NMU: variants seen among roughly 807,000 people sequenced by gnomAD.
NMU encodes neuromedin-U.
A neutral mutation model predicts 35.4 loss-of-function variants in NMU; 29 were observed. The observed-to-expected ratio is 0.82, with a 90% CI of 0.61 to 1.12. The LOEUF (loss-of-function observed/expected upper bound fraction) is 1.12. NMU is among the 50% of genes most tolerant of loss of function. The pLI, the probability that NMU is intolerant of heterozygous loss-of-function variation, is 0.00. For missense variants in NMU, 199 were observed against 206.2 expected (o/e 0.97, Z 0.21); for synonymous variants, 78 against 81.3 (o/e 0.96, Z 0.22).
At chr4:55,605,223 A>G (rs1733629522) in intron 7 of NMU, 52 bp downstream of exon 7, 8 of 1,211,644 alleles carry the variant, frequency 6.6e-6, no homozygotes, top group Admixed American at 3.4e-5. Flanking sequence ...ATTAACAGAA[A>G]GGGCTGCCCC....
chr4:55,607,883 A>T (rs1030264295), intron 4 of NMU, among the ~76,000 whole-genome samples: 1 of 152,192 alleles, frequency 6.6e-6, no homozygotes, highest in Non-Finnish European at 1.5e-5. Context: ...CCATAAAAAA[A>T]TTTTTAGCCG....
intron 3 of NMU, among the ~76,000 whole-genome samples, chr4:55,613,670 C>A (rs1008829562): frequency 6.6e-6 from 1 of 152,086 alleles, no homozygotes. Context: ...GTGTGGCCCC[C>A]CACATTGACT....
chr4:55,604,308 C>T (rs577140814), intron 7 of NMU, among the ~76,000 whole-genome samples: 204 of 151,824 alleles, frequency 1.3e-3, no homozygotes, highest in South Asian at 2.9e-3. Flanking sequence ...TCAAATGATC[C>T]ACCCACCTCA....
At chr4:55,632,433 G>T (rs1451069053) in intron 1 of NMU, among the ~76,000 whole-genome samples, 1 of 152,108 alleles carries the variant, frequency 6.6e-6, no homozygotes, top group Non-Finnish European at 1.5e-5. Flanking sequence ...AACTTATAAA[G>T]GTCATGCAGT....
intron 1 of NMU, among the ~76,000 whole-genome samples, chr4:55,632,168 G>T (rs1477995040): frequency 6.6e-6 from 1 of 152,174 alleles, no homozygotes; most frequent in African/African-American, 2.4e-5. Context: ...GAGGCTAGGA[G>T]GGGGTTGGGG....
At chr4:55,609,015 C>G (rs1733818793) in intron 4 of NMU, 105 bp downstream of exon 4, 1 of 914,448 alleles carries the variant, frequency 1.1e-6, no homozygotes, top group Non-Finnish European at 1.8e-6. Context: ...CTCTTCTAAC[C>G]TGTCTTGGCA....
At chr4:55,601,780 A>G (rs983522870) in intron 7 of NMU, among the ~76,000 whole-genome samples, 2 of 152,034 alleles carry the variant, frequency 1.3e-5, no homozygotes, top group Non-Finnish European at 2.9e-5. Flanking sequence ...TGAGCCCAGG[A>G]GTTTGAGACC....
intron 1 of NMU, among the ~76,000 whole-genome samples, chr4:55,635,587 A>G (rs974561500): frequency 1.3e-5 from 2 of 152,222 alleles, no homozygotes; most frequent in East Asian, 1.9e-4. Context: ...TTATCTCAGC[A>G]TAACACTAGC....
At position 55,607,338 on chromosome 4, in the gene NMU, T is replaced by A. The variant is rs945381857; in HGVS notation, c.320A>T (p.His107Leu). 6.2e-7 allele frequency: 1 copy of A among 1,606,990 alleles called. No individual in the cohort carries two copies. ...EKDNTKRFLF[H>L]YSKTQKLGKS... Reference sequence around the variant, plus strand: ...GCCCAACTTCTGTGTCTTCGAATAATGAAATAAGAACTGTTTAAAAAAAGC... The same window carrying A: ...GCCCAACTTCTGTGTCTTCGAATAAAGAAATAAGAACTGTTTAAAAAAAGC... The change falls in exon 6 of 10, where the codon CAT becomes CTT. Residue 107 changes from histidine to leucine, a missense_variant. By Grantham distance (99) the His-to-Leu change is moderately conservative. Coordinates refer to ENST00000264218, the MANE Select transcript of NMU (RefSeq NM_006681.4).
In NMU at chr4:55,600,516, A is replaced by G; in HGVS notation, c.489+6T>C. 6.3e-7 allele frequency: 1 copy of G among 1,588,952 alleles called. No individual in the cohort carries two copies. The highest frequency in any genetic ancestry group is 8.6e-7 in the Non-Finnish European group (1 of 1,157,596). On this transcript the variant is annotated splice_donor_region_variant and intron_variant, in intron 8 of 9. Transcript: ENST00000264218. ...TTGATTTTTTAAAAATACAGTATGT[A>G]CCTACCCTGAATAAAAAATATCCTC...
intron 3 of NMU, 148 bp from the exon 4 acceptor site, chr4:55,609,327 T>C: frequency 1.5e-6 from 1 of 678,570 alleles, no homozygotes. Context: ...GTTGGAATCC[T>C]TTGATTTCTC....
At chr4:55,597,731 T>A (rs1006222271) in intron 9 of NMU, among the ~76,000 whole-genome samples, 2 of 152,220 alleles carry the variant, frequency 1.3e-5, no homozygotes, top group African/African-American at 4.8e-5. Context: ...GTTTAGTGTT[T>A]TTCTTTCTTC....
At chr4:55,615,561 G>A (rs772174711) in intron 3 of NMU, among the ~76,000 whole-genome samples, 3 of 152,118 alleles carry the variant, frequency 2.0e-5, no homozygotes, top group Non-Finnish European at 4.4e-5. Flanking sequence ...TCTCTCAATG[G>A]TTTCAAACTC....
At chr4:55,598,335 A>T (rs1324575432) in intron 9 of NMU, among the ~76,000 whole-genome samples, 1 of 151,878 alleles carries the variant, frequency 6.6e-6, no homozygotes. Context: ...AGCCTCCCAA[A>T]GTGATGGGAT....
chr4:55,630,629 A>G (rs1577964726), intron 1 of NMU, among the ~76,000 whole-genome samples, 169 bp from the exon 2 acceptor site: 1 of 152,196 alleles, frequency 6.6e-6, no homozygotes, highest in Non-Finnish European at 1.5e-5. Context: ...TAATTACTAA[A>G]TAAACCTTAA....
At chr4:55,604,679 A>ATTTTTTTTTTTTTTTTTTTTTTTT (rs767568542) in intron 7 of NMU, among the ~76,000 whole-genome samples, 12 of 47,612 alleles carry the variant, frequency 2.5e-4, no homozygotes, top group South Asian at 1.4e-3. Context: ...TGCCTGGCTA[A>ATTTTTTTTTTTTTTTTTTTTTTTT]TTTTTTTTTT....
At chr4:55,629,752 G>A (rs2110212350) in intron 2 of NMU, among the ~76,000 whole-genome samples, 1 of 152,042 alleles carries the variant, frequency 6.6e-6, no homozygotes, top group East Asian at 1.9e-4. Context: ...CTACTTATGA[G>A]CTATCTGCTT....
intron 2 of NMU, among the ~76,000 whole-genome samples, chr4:55,629,945 T>C (rs934310317): frequency 1.7e-4 from 26 of 152,186 alleles, no homozygotes; most frequent in Non-Finnish European, 3.2e-4. Flanking sequence ...AGATCCTTAT[T>C]TGTCTGTTAT....
chr4:55,625,803 C>T (rs1734503102), intron 2 of NMU, among the ~76,000 whole-genome samples: 1 of 150,284 alleles, frequency 6.7e-6, no homozygotes, highest in African/African-American at 2.5e-5. Context: ...TAACACTGTC[C>T]ATTGAGACCT....
Sources: allele counts gnomAD v4.1 joint callset (sites outside exome capture counted in the v4.1 genomes callset), GRCh38; gene constraint gnomAD v4.1.1; transcripts MANE v1.5; gene names NCBI Gene and HGNC (gene_info 2026-07-23, HGNC 2026-07-21).